Variants in FBXO47 observed in about 807,000 individuals in gnomAD.
FBXO47 encodes F-box protein 47, also known as F-box only protein 47.
In FBXO47, 34 loss-of-function variants were observed where a neutral mutation model predicts 53.9. The ratio of observed to expected loss-of-function variants is 0.63; its 90% CI spans 0.48 to 0.84. FBXO47 has a LOEUF of 0.84. Ranked by LOEUF, FBXO47 falls within the 40% of genes least tolerant of loss-of-function variation. FBXO47 has a pLI of 0.00. For missense variants in FBXO47, 485 were observed against 541.3 expected (o/e 0.90, Z 1.03); for synonymous variants, 165 against 181.6 (o/e 0.91, Z 0.73).
At chr17:38,941,813 A>C (rs557254093) in intron 9 of FBXO47, among the ~76,000 whole-genome samples, 11 of 151,006 alleles carry the variant, frequency 7.3e-5, no homozygotes, top group Non-Finnish European at 1.6e-4. Flanking sequence ...AGCTGGGACC[A>C]CAGATGTTGC....
intron 6 of FBXO47, among the ~76,000 whole-genome samples, chr17:38,946,026 A>AT (rs1904757610): frequency 7.4e-6 from 1 of 134,702 alleles, no homozygotes; most frequent in African/African-American, 2.7e-5. Context: ...TAAAAATATA[A>AT]AAATATATAT....
chr17:38,937,455 C>A (rs1194797034), intron 10 of FBXO47, among the ~76,000 whole-genome samples, 165 bp from the exon 11 acceptor site: 1 of 152,056 alleles, frequency 6.6e-6, no homozygotes, highest in Non-Finnish European at 1.5e-5. Flanking sequence ...CTCCTGGGTT[C>A]AAGCAATTCT....
chr17:38,946,315 AAT>A (rs1397591483), intron 6 of FBXO47, among the ~76,000 whole-genome samples: 91 of 86,348 alleles, frequency 1.1e-3, no homozygotes, highest in African/African-American at 4.8e-3. Flanking sequence ...TAAATATATA[AAT>A]ATATATAAAT....
intron 1 of FBXO47, among the ~76,000 whole-genome samples, chr17:38,964,402 C>T (rs1039005105): frequency 6.6e-6 from 1 of 152,106 alleles, no homozygotes; most frequent in African/African-American, 2.4e-5. Context: ...TCGAGACCAG[C>T]CTGGCCAACA....
intron 9 of FBXO47, among the ~76,000 whole-genome samples, chr17:38,939,326 AT>A (rs1303116798): frequency 1.6e-4 from 19 of 118,246 alleles, no homozygotes; most frequent in Non-Finnish European, 2.3e-4. Context: ...AAAAAAAAAT[AT>A]ATATATATAT....
Position 38,962,218 on chromosome 17 carries a change from T to C in FBXO47, c.182-171A>G, listed in dbSNP as rs536246465. On this transcript the variant is annotated intron_variant, in intron 2 of 10. Coordinates refer to ENST00000378079, the MANE Select transcript of FBXO47 (RefSeq NM_001008777.3). ...AAATTGTTTAAAATCTGGTTCTCAA[T>C]GAATTAGAGACATGTTTGGATTTAC... 3.9e-5 allele frequency among the ~76,000 whole-genome samples: 6 copies of C among 152,346 alleles called. No homozygotes were observed. In the East Asian group the frequency reaches 9.6e-4, roughly 24 times the overall value.
intron 4 of FBXO47, among the ~76,000 whole-genome samples, chr17:38,956,154 T>C (rs1452477682): frequency 2.0e-5 from 3 of 151,506 alleles, no homozygotes; most frequent in Non-Finnish European, 4.4e-5. Flanking sequence ...AAAAAAGTTT[T>C]ATTTATGAAT....
intron 3 of FBXO47, among the ~76,000 whole-genome samples, chr17:38,957,457 T>C (rs954725833): frequency 1.3e-5 from 2 of 152,204 alleles, no homozygotes; most frequent in African/African-American, 2.4e-5. Flanking sequence ...GATGCTCATC[T>C]AAGAGGCCTT....
intron 3 of FBXO47, among the ~76,000 whole-genome samples, chr17:38,959,376 A>T (rs1215943860): frequency 6.6e-6 from 1 of 151,938 alleles, no homozygotes; most frequent in Non-Finnish European, 1.5e-5. Flanking sequence ...TGAGGACAGG[A>T]GTTCGAGACC....
chr17:38,964,963 G>A (rs1263439493), intron 1 of FBXO47, among the ~76,000 whole-genome samples: 6 of 151,806 alleles, frequency 4.0e-5, no homozygotes, highest in South Asian at 2.1e-4. Context: ...GATTACAGGC[G>A]TGTGCCACCA....
intron 3 of FBXO47, among the ~76,000 whole-genome samples, chr17:38,958,923 T>C (rs1189963429): frequency 6.6e-6 from 1 of 152,160 alleles, no homozygotes; most frequent in Non-Finnish European, 1.5e-5. Flanking sequence ...TTTCCCTTCA[T>C]ACATTGGTAT....
chr17:38,964,077 G>C (rs1247972675), intron 1 of FBXO47, among the ~76,000 whole-genome samples: 1 of 151,974 alleles, frequency 6.6e-6, no homozygotes, highest in Non-Finnish European at 1.5e-5. Context: ...CAAAATGCTG[G>C]GATTATAGGC....
chr17:38,963,220 C>G (rs1905910625), intron 1 of FBXO47, among the ~76,000 whole-genome samples, 169 bp from the exon 2 acceptor site: 1 of 152,066 alleles, frequency 6.6e-6, no homozygotes, highest in South Asian at 2.1e-4. Flanking sequence ...CTCTGTTGCC[C>G]AGGCTGGAGT....
At chr17:38,964,664 AAAACAAACAAAC>A (rs370428806) in intron 1 of FBXO47, among the ~76,000 whole-genome samples, 1 of 152,016 alleles carries the variant, frequency 6.6e-6, no homozygotes, top group Non-Finnish European at 1.5e-5. Flanking sequence ...TTGGTCTCGA[AAAACAAACAAAC>A]AAACAAACAA....
chr17:38,938,216 T>C (rs1183473197), intron 10 of FBXO47, among the ~76,000 whole-genome samples: 2 of 152,172 alleles, frequency 1.3e-5, no homozygotes, highest in East Asian at 3.8e-4. Context: ...TAAAATAATA[T>C]TTACAAATAT....
intron 6 of FBXO47, among the ~76,000 whole-genome samples, chr17:38,946,949 TATAA>T (rs1423870340): frequency 1.5e-4 from 18 of 122,192 alleles, no homozygotes; most frequent in African/African-American, 5.2e-4. Context: ...TATAAACATA[TATAA>T]ATATATAAAC....
At chr17:38,960,232 G>A (rs544705120) in intron 3 of FBXO47, among the ~76,000 whole-genome samples, 2 of 151,672 alleles carry the variant, frequency 1.3e-5, no homozygotes, top group African/African-American at 4.8e-5. Flanking sequence ...CCAGGAGTAC[G>A]GGCCAGCCTG....
Position 38,936,885 on chromosome 17 carries a change from C to G in FBXO47, c.*290G>C. 1 of 240,684 alleles carries G rather than the reference C, an allele frequency of 4.2e-6. No individual in the cohort carries two copies. The highest frequency in any genetic ancestry group is 7.9e-6 in the Non-Finnish European group (1 of 127,090). 14.9% of individuals were successfully genotyped at this position (240,684 alleles called of 1,614,324 possible). On this transcript the variant is annotated 3_prime_UTR_variant, in exon 11 of 11. Coordinates refer to ENST00000378079, the MANE Select transcript of FBXO47 (RefSeq NM_001008777.3). ...ATGCATACATACAGGTTGGCTGGTC[C>G]CAGATTCTTGAACAGCTAACATTCT...
chr17:38,964,592 C>T (rs1465071833), intron 1 of FBXO47, among the ~76,000 whole-genome samples: 2 of 151,740 alleles, frequency 1.3e-5, no homozygotes, highest in Admixed American at 6.6e-5. Context: ...ACCCGGGAGG[C>T]GGAGGCTGCA....
Sources: gnomAD v4.1 joint callset for allele counts (sites outside exome capture counted in the v4.1 genomes callset) on GRCh38, gnomAD v4.1.1 for gene constraint, MANE v1.5 for transcripts, NCBI Gene and HGNC (gene_info 2026-07-23, HGNC 2026-07-21) for gene names.